Variants in COL15A1 observed in about 807,000 individuals in gnomAD.
COL15A1 encodes the protein collagen alpha-1(XV) chain.
Under a neutral mutation model 165.9 loss-of-function variants are expected in COL15A1, and 111 were observed. The ratio of observed to expected loss-of-function variants is 0.67; its 90% CI spans 0.57 to 0.78. The LOEUF is 0.78. COL15A1 is among the 30% of genes least tolerant of loss of function. COL15A1 has a pLI of 0.00. For missense variants in COL15A1, 1,745 were observed against 1,789.7 expected, an observed-to-expected ratio of 0.98 and a Z score of 0.45; for synonymous variants, 659 against 674.8, an observed-to-expected ratio of 0.98 and a Z score of 0.36.
At chr9:99,068,799 G>T in intron 41 of COL15A1, 129 bp downstream of exon 41, 1 of 585,958 alleles carries the variant, frequency 1.7e-6, no homozygotes, top group Non-Finnish European at 3.0e-6. Flanking sequence ...AGGCAACTGA[G>T]GGCCTCAGAG....
chr9:99,041,815 C>A (rs1054820692), intron 23 of COL15A1, among the ~76,000 whole-genome samples: 3 of 152,104 alleles, frequency 2.0e-5, no homozygotes. Context: ...AACCAATGTT[C>A]AAAAAAGTGT....
chr9:99,017,207 C>T (rs1838951856), intron 11 of COL15A1, among the ~76,000 whole-genome samples: 1 of 152,244 alleles, frequency 6.6e-6, no homozygotes, highest in African/African-American at 2.4e-5. Context: ...CCAAGTTTAC[C>T]TGATTCTCTT....
At position 99,047,790 on chromosome 9, in the gene COL15A1, C is replaced by A; in HGVS notation, c.2684C>A (p.Pro895His). 3 of 1,614,074 alleles carry A rather than the reference C, an allele frequency of 1.9e-6. No homozygotes were observed. Among genetic ancestry groups the A allele is most frequent in the Non-Finnish European group, 2.5e-6 (3 of 1,179,992 alleles). Reference protein sequence around the residue: ...GMHGAPGPMGPKGPPGHKGEF... With the variant: ...GMHGAPGPMGHKGPPGHKGEF... Reference sequence around the variant, plus strand: ...TGGCATTTGTTTTGCCTCTAGGGGCCCAAAGGACCACCAGGACATAAAGGA... The same window carrying A: ...TGGCATTTGTTTTGCCTCTAGGGGCACAAAGGACCACCAGGACATAAAGGA... Residue 895 changes from proline (P) to histidine (H), a missense_variant, in exon 27 of 42, where the codon CCC (proline) becomes CAC (histidine). Coordinates refer to ENST00000375001, the MANE Select transcript of COL15A1 (RefSeq NM_001855.5).
At chr9:99,044,837 G>A (rs1020870479) in intron 26 of COL15A1, 67 bp downstream of exon 26, 124 of 1,393,252 alleles carry the variant, frequency 8.9e-5, no homozygotes, top group Admixed American at 1.2e-4. Flanking sequence ...CTTTGATTTG[G>A]TTAGATTTAG....
At chr9:99,066,821 G>A (rs565046059) in intron 39 of COL15A1, 61 bp from the exon 40 acceptor site, 1 of 1,488,630 alleles carries the variant, frequency 6.7e-7, no homozygotes, top group African/African-American at 1.4e-5. Context: ...ATGTGAGATG[G>A]TTCTGGGGGC....
intron 30 of COL15A1, 72 bp from the exon 31 acceptor site, chr9:99,052,316 C>A: frequency 9.0e-7 from 1 of 1,113,440 alleles, no homozygotes; most frequent in Non-Finnish European, 1.4e-6. Context: ...GCCCCCGGGA[C>A]AGTGGCTGCC....
intron 9 of COL15A1, among the ~76,000 whole-genome samples, chr9:99,006,051 C>T (rs77972566): frequency 2.2e-4 from 33 of 152,300 alleles, no homozygotes; most frequent in Non-Finnish European, 3.8e-4. Flanking sequence ...TTCCTCATAC[C>T]TCTTCCCTCA....
At chr9:99,007,329 G>A (rs543148157) in intron 9 of COL15A1, among the ~76,000 whole-genome samples, 12 of 152,308 alleles carry the variant, frequency 7.9e-5, no homozygotes, top group Non-Finnish European at 1.6e-4. Flanking sequence ...ATGGGAGGCC[G>A]TTTTGCCCTA....
intron 3 of COL15A1, among the ~76,000 whole-genome samples, chr9:98,986,981 C>T (rs997600615): frequency 1.3e-4 from 20 of 151,976 alleles, no homozygotes; most frequent in African/African-American, 4.1e-4. Flanking sequence ...GGGAGATGTG[C>T]GTTTCAGGGC....
intron 2 of COL15A1, among the ~76,000 whole-genome samples, chr9:98,967,318 C>A (rs902393683): frequency 1.3e-5 from 2 of 152,220 alleles, no homozygotes; most frequent in Admixed American, 6.5e-5. Flanking sequence ...TCTGTACTGA[C>A]TTTCCCTGGG....
At chr9:99,040,353 CA>C (rs1370406798) in intron 22 of COL15A1, among the ~76,000 whole-genome samples, 167 bp from the exon 23 acceptor site, 1 of 151,622 alleles carries the variant, frequency 6.6e-6, no homozygotes, top group African/African-American at 2.4e-5. Context: ...CTCCCCTTGG[CA>C]AATCCAGACC....
At chr9:98,961,637 T>C (rs535119002) in intron 2 of COL15A1, among the ~76,000 whole-genome samples, 197 of 152,294 alleles carry the variant, frequency 1.3e-3, no homozygotes, top group Non-Finnish European at 9.0e-4. Context: ...GGAGCCGTTT[T>C]TCCTAGCCTG....
Position 98,987,317 on chromosome 9 carries a change from G to A in COL15A1, c.672G>A (p.Val224=). The change falls in exon 4 of 42, where the codon GTG becomes GTA. Residue 224 remains valine (V), a synonymous_variant. Coordinates refer to ENST00000375001, the MANE Select transcript of COL15A1 (RefSeq NM_001855.5). ...AGGGCTCCCTCCAGCAGCTCACCGTGCACCCCGACCCCAGGACTCCCGAGG... is the reference window on the plus strand; with the variant it reads ...AGGGCTCCCTCCAGCAGCTCACCGTACACCCCGACCCCAGGACTCCCGAGG... ...RFTGSLQQLT[V]HPDPRTPEEL... 1.2e-6 allele frequency: 2 copies of A among 1,613,422 alleles called. No individual in the cohort carries two copies. Among genetic ancestry groups the A allele is most frequent in the East Asian group, 2.2e-5 (1 of 44,792 alleles).
At chr9:98,954,781 A>G (rs967093836) in intron 2 of COL15A1, among the ~76,000 whole-genome samples, 4 of 152,208 alleles carry the variant, frequency 2.6e-5, no homozygotes, top group African/African-American at 9.6e-5. Flanking sequence ...TGAGAACGCC[A>G]AGCCCACCCT....
chr9:99,059,167 T>C (rs1035519257), intron 35 of COL15A1, among the ~76,000 whole-genome samples: 29 of 152,224 alleles, frequency 1.9e-4, no homozygotes, highest in African/African-American at 6.5e-4. Context: ...TGCATTTCTC[T>C]GGGAAAGAGG....
In COL15A1 at chr9:99,056,367, C is replaced by A; in HGVS notation, c.3300C>A (p.Pro1100=). The A allele has an allele frequency of 6.2e-7, 1 of 1,612,926 alleles. No individual in the cohort carries two copies. Among genetic ancestry groups the A allele is most frequent in the Non-Finnish European group, 8.5e-7 (1 of 1,179,886 alleles). ...CTGGTGATCCTGGGCCACCGGGGCC[C>A]CCGGGGCCACCAGGACCTCCAGCTA... ...GRPGDPGPPG[P]PGPPGPPAIL... Residue 1100 remains proline, a synonymous_variant, in exon 35 of 42, where the codon CCC becomes CCA. Coordinates refer to ENST00000375001, the MANE Select transcript of COL15A1 (RefSeq NM_001855.5).
intron 9 of COL15A1, among the ~76,000 whole-genome samples, chr9:99,007,025 A>T (rs552703355): frequency 6.6e-6 from 1 of 152,368 alleles, no homozygotes; most frequent in Middle Eastern, 3.4e-3. Context: ...GGGAGACATG[A>T]GACATCAATC....
At position 99,015,030 on chromosome 9, in the gene COL15A1, C is replaced by CTT. The variant is rs138708602; in HGVS notation, c.1354-380_1354-379dup. 5.3e-5 allele frequency among the ~76,000 whole-genome samples: 8 copies of CTT among 152,104 alleles called. No homozygotes were observed. In the South Asian group the frequency reaches 1.2e-3, roughly 24 times the overall value. On this transcript the variant is annotated intron_variant, in intron 9 of 41. Coordinates refer to ENST00000375001, the MANE Select transcript of COL15A1 (RefSeq NM_001855.5). ...GACAAATTATTAGGGAAGTATGTAG[C>CTT]TTTTTTTTATCTTAGTAGCTATCTT...
At chr9:99,031,318 C>T (rs1399231993) in intron 16 of COL15A1, among the ~76,000 whole-genome samples, 2 of 152,148 alleles carry the variant, frequency 1.3e-5, no homozygotes, top group East Asian at 3.9e-4. Context: ...GAAAACACTG[C>T]AAGAGATGGG....
Sources: gnomAD v4.1 joint callset for allele counts (sites outside exome capture counted in the v4.1 genomes callset) on GRCh38, gnomAD v4.1.1 for gene constraint, MANE v1.5 for transcripts, NCBI Gene and HGNC (gene_info 2026-07-23, HGNC 2026-07-21) for gene names.